Variants in SYT1 observed in about 807,000 individuals in gnomAD.
SYT1 encodes the protein synaptotagmin-1.
SYT1 carries 8 observed loss-of-function variants against 44.8 expected under a neutral mutation model. The observed-to-expected ratio is 0.18, with a 90% CI of 0.10 to 0.32. SYT1 has a LOEUF of 0.32. Ranked by LOEUF, SYT1 falls within the 10% of genes least tolerant of loss-of-function variation. The probability of loss-of-function intolerance (pLI) is 1.00; values close to 1 mark genes in which losing one functional copy is unlikely to be tolerated. For synonymous variants in SYT1, 154 were observed against 188.8 expected, an observed-to-expected ratio of 0.82 and a Z score of 1.51; for missense variants, 286 against 509.3, an observed-to-expected ratio of 0.56 and a Z score of 4.22.
chr12:79,004,506 A>C (rs745545317), intron 2 of SYT1, among the ~76,000 whole-genome samples: 13 of 151,978 alleles, frequency 8.6e-5, no homozygotes, highest in Non-Finnish European at 1.2e-4. Flanking sequence ...ATTTGAATGA[A>C]ATTTCAATAA....
intron 1 of SYT1, among the ~76,000 whole-genome samples, chr12:78,912,842 C>A (rs1876421383): frequency 1.3e-5 from 2 of 151,774 alleles, no homozygotes; most frequent in Admixed American, 1.3e-4. Context: ...CTGGGAATAC[C>A]CACTTAGTAA....
chr12:79,139,100 C>T (rs1029507468), intron 3 of SYT1, among the ~76,000 whole-genome samples: 3 of 152,164 alleles, frequency 2.0e-5, no homozygotes, highest in African/African-American at 7.2e-5. Context: ...TAGCTCTGGC[C>T]CCCACACAGA....
At chr12:78,965,456 A>G (rs1158450000) in intron 1 of SYT1, among the ~76,000 whole-genome samples, 1 of 152,196 alleles carries the variant, frequency 6.6e-6, no homozygotes, top group East Asian at 1.9e-4. Context: ...TCCTATTGGC[A>G]TTTCAAATAT....
chr12:79,105,368 G>A (rs1014093613), intron 3 of SYT1, among the ~76,000 whole-genome samples: 1 of 152,170 alleles, frequency 6.6e-6, no homozygotes, highest in African/African-American at 2.4e-5. Flanking sequence ...ACAGAATTGA[G>A]TCCAGTTTAA....
intron 9 of SYT1, among the ~76,000 whole-genome samples, chr12:79,416,808 C>A (rs1868768989): frequency 1.3e-5 from 2 of 152,098 alleles, no homozygotes; most frequent in Admixed American, 6.6e-5. Flanking sequence ...TTCTATTATA[C>A]ACTATTGATA....
rs527675639 is a variant in SYT1 at position 79,450,376 on chromosome 12, T to TTTAC, written c.*1256_*1259dup. On this transcript the variant is annotated 3_prime_UTR_variant, in exon 11 of 11. Transcript: ENST00000261205. The stretch of plus-strand genomic sequence containing the variant: ...GCTAGTGATCTTTTTATATGCTCTT[T>TTTAC]TTACTTAAGTTTTAATTTGTCCTTT... The TTTAC allele has an allele frequency of 3.0e-4, 46 of 152,732 alleles. No homozygotes were observed. Among genetic ancestry groups the TTTAC allele is most frequent in the African/African-American group, 8.2e-4 (34 of 41,564 alleles). The allele number at this position is 152,732 out of a possible 1,614,324, so 9.5% of individuals were successfully genotyped here.
At chr12:79,225,482 T>C (rs908173299) in intron 4 of SYT1, among the ~76,000 whole-genome samples, 4 of 152,102 alleles carry the variant, frequency 2.6e-5, no homozygotes, top group Admixed American at 2.0e-4. Context: ...TGCTGCTGAG[T>C]TAATGGACTG....
At chr12:79,046,165 A>G (rs1874038890) in intron 2 of SYT1, among the ~76,000 whole-genome samples, 1 of 152,320 alleles carries the variant, frequency 6.6e-6, no homozygotes, top group East Asian at 1.9e-4. Flanking sequence ...AATAAAGGAA[A>G]AGCAGATCTT....
At chr12:79,179,480 G>GATATCT (rs1338888235) in intron 3 of SYT1, among the ~76,000 whole-genome samples, 9 of 80,244 alleles carry the variant, frequency 1.1e-4, no homozygotes, top group East Asian at 3.5e-4. Context: ...TAGATATAGA[G>GATATCT]ATATAGATAT....
chr12:78,927,947 CTG>C (rs1281838021), intron 1 of SYT1, among the ~76,000 whole-genome samples: 1 of 152,158 alleles, frequency 6.6e-6, no homozygotes, highest in East Asian at 1.9e-4. Flanking sequence ...TACCTCCACA[CTG>C]TGTTTTTCGG....
chr12:79,153,019 G>A (rs1214240616), intron 3 of SYT1, among the ~76,000 whole-genome samples: 1 of 151,308 alleles, frequency 6.6e-6, no homozygotes, highest in Non-Finnish European at 1.5e-5. Flanking sequence ...TTAATTTAAG[G>A]TAAGCTACAT....
chr12:79,350,876 G>A (rs1462682158), intron 8 of SYT1, among the ~76,000 whole-genome samples: 5 of 152,068 alleles, frequency 3.3e-5, no homozygotes, highest in African/African-American at 1.2e-4. Flanking sequence ...TGCCCATAAA[G>A]GACACAAATT....
chr12:79,263,391 A>G (rs2138738151), intron 4 of SYT1, among the ~76,000 whole-genome samples: 1 of 152,140 alleles, frequency 6.6e-6, no homozygotes, highest in Middle Eastern at 3.4e-3. Context: ...GAAAACATTT[A>G]CCCATATCTG....
intron 3 of SYT1, among the ~76,000 whole-genome samples, chr12:79,156,915 T>C (rs1431248630): frequency 1.3e-5 from 2 of 152,106 alleles, no homozygotes; most frequent in African/African-American, 4.8e-5. Context: ...AAGCAAACAC[T>C]TCCAGGTCAC....
chr12:79,002,670 T>C (rs1354167006), intron 2 of SYT1, among the ~76,000 whole-genome samples: 2 of 152,028 alleles, frequency 1.3e-5, no homozygotes, highest in Non-Finnish European at 2.9e-5. Context: ...TCTCCTCTAA[T>C]TGTGAATCTA....
chr12:78,936,179 C>T (rs1315123732), intron 1 of SYT1, among the ~76,000 whole-genome samples: 2 of 152,012 alleles, frequency 1.3e-5, no homozygotes, highest in African/African-American at 4.8e-5. Context: ...TTTAAAGGAA[C>T]AATTTCAGTG....
intron 4 of SYT1, among the ~76,000 whole-genome samples, chr12:79,243,134 T>C (rs577640490): frequency 3.4e-4 from 52 of 152,232 alleles, no homozygotes; most frequent in Non-Finnish European, 6.5e-4. Flanking sequence ...CCAGCCCCCA[T>C]GATTCAATTA....
intron 4 of SYT1, among the ~76,000 whole-genome samples, chr12:79,253,122 C>T (rs947581562): frequency 5.3e-5 from 8 of 152,078 alleles, no homozygotes; most frequent in African/African-American, 1.7e-4. Flanking sequence ...CAACCCTAGA[C>T]CAATCAATGA....
chr12:79,229,115 G>T (rs919007346), intron 4 of SYT1, among the ~76,000 whole-genome samples: 1 of 152,148 alleles, frequency 6.6e-6, no homozygotes, highest in Non-Finnish European at 1.5e-5. Flanking sequence ...GACACCAAAG[G>T]CATTAATCAA....
Sources: gnomAD v4.1 joint callset for allele counts (sites outside exome capture counted in the v4.1 genomes callset) on GRCh38, gnomAD v4.1.1 for gene constraint, MANE v1.5 for transcripts, NCBI Gene and HGNC (gene_info 2026-07-23, HGNC 2026-07-21) for gene names.